Variants in SHQ1 observed in about 807,000 individuals in gnomAD.
SHQ1 encodes the protein protein SHQ1 homolog.
SHQ1 carries 49 observed loss-of-function variants against 53.8 expected under a neutral mutation model. The observed-to-expected ratio is 0.91, with a 90% CI of 0.72 to 1.16. The LOEUF (loss-of-function observed/expected upper bound fraction) is 1.16. Ranked by LOEUF, SHQ1 falls within the 50% of genes most tolerant of loss-of-function variation. SHQ1 has a pLI of 0.00. For missense variants in SHQ1, 738 were observed against 683.1 expected (o/e 1.08, Z -0.90); for synonymous variants, 243 against 251.0 (o/e 0.97, Z 0.30).
intron 5 of SHQ1, among the ~76,000 whole-genome samples, chr3:72,827,190 G>A (rs1707685797): frequency 6.6e-6 from 1 of 152,084 alleles, no homozygotes. Context: ...GAAGCTAACA[G>A]ACATGAGTGA....
At chr3:72,731,991 G>A in the SHQ1 span, among the ~76,000 whole-genome samples, 7 of 151,576 alleles carry the variant, frequency 4.6e-5, no homozygotes, top group East Asian at 1.9e-4. Flanking sequence ...TTCAGGCTTC[G>A]GAGGGCCTCT....
At chr3:72,753,275 T>C in intron 10 of SHQ1, 1 of 984,814 alleles carries the variant, frequency 1.0e-6, no homozygotes, top group South Asian at 4.7e-5. Context: ...TGACGGTGAG[T>C]TTACAAGATA....
chr3:72,751,153 G>A lies in SHQ1; in HGVS notation c.1182-317C>T, dbSNP rs574343194. Among the ~76,000 whole-genome samples the A allele has an allele frequency of 6.6e-5, 10 of 152,314 alleles. 1 individual carries two copies. Among genetic ancestry groups the A allele is most frequent in the African/African-American group, 2.4e-4 (10 of 41,568 alleles). On this transcript the variant is annotated intron_variant, in intron 10 of 10. Transcript: ENST00000325599. ...TGGCCAGGCACAGTGGCTCACGCCT[G>A]TAACCCCAGCACTTTGGGAGGCTGA...
intron 10 of SHQ1, among the ~76,000 whole-genome samples, chr3:72,770,569 T>A (rs940165932): frequency 2.0e-5 from 3 of 151,988 alleles, no homozygotes; most frequent in African/African-American, 7.3e-5. Flanking sequence ...AAACTAAGAA[T>A]GATAAGGAAA....
chr3:72,831,431 T>C (rs946036716), intron 5 of SHQ1, among the ~76,000 whole-genome samples: 4 of 152,342 alleles, frequency 2.6e-5, no homozygotes, highest in Admixed American at 6.5e-5. Flanking sequence ...AGCCACTTAG[T>C]AGTAGTGTGA....
chr3:72,817,516 A>T, intron 6 of SHQ1, 132 bp from the exon 7 acceptor site: 3 of 814,908 alleles, frequency 3.7e-6, no homozygotes, highest in Non-Finnish European at 3.8e-6. Flanking sequence ...CTATGGATAT[A>T]TAAATAACTT....
At chr3:72,766,913 G>A (rs557533092) in intron 10 of SHQ1, among the ~76,000 whole-genome samples, 48 of 152,226 alleles carry the variant, frequency 3.2e-4, no homozygotes, top group Middle Eastern at 3.4e-3. Flanking sequence ...TGTGGCTGTC[G>A]GGCATTCAGA....
chr3:72,848,382 G>T lies in SHQ1; in HGVS notation c.-42C>A. The T allele has an allele frequency of 6.2e-7, 1 of 1,607,284 alleles. No homozygotes were observed. Among genetic ancestry groups the T allele is most frequent in the Non-Finnish European group, 8.5e-7 (1 of 1,176,396 alleles). ...AGGGCCGGCGCCGCTCGCTCTCACT[G>T]CCGCCGCGTTCCCGCCACGCAAACT... is the stretch of plus-strand genomic sequence containing the variant. On this transcript the variant is annotated 5_prime_UTR_variant, in exon 1 of 11. Transcript: ENST00000325599.
chr3:72,830,080 T>C (rs1707779094), intron 5 of SHQ1, among the ~76,000 whole-genome samples: 1 of 149,774 alleles, frequency 6.7e-6, no homozygotes, highest in Non-Finnish European at 1.5e-5. Flanking sequence ...ATCTGTTACA[T>C]GCCCAGCACT....
At chr3:72,793,210 A>AT (rs1706496169) in intron 9 of SHQ1, 174 bp from the exon 10 acceptor site, 1 of 523,036 alleles carries the variant, frequency 1.9e-6, no homozygotes, top group African/African-American at 2.0e-5. Flanking sequence ...TTCCTTAAGA[A>AT]TTACATACAA....
At chr3:72,759,556 T>C (rs1705569699) in intron 10 of SHQ1, among the ~76,000 whole-genome samples, 1 of 152,002 alleles carries the variant, frequency 6.6e-6, no homozygotes, top group Non-Finnish European at 1.5e-5. Flanking sequence ...CCGGGTGTGG[T>C]AGCAGGTGCC....
rs114488978 is a variant in SHQ1 at position 72,786,339 on chromosome 3, C to T, written c.1181+6577G>A. 2.8e-3 allele frequency among the ~76,000 whole-genome samples: 429 copies of T among 152,304 alleles called. 1 individual carries two copies. The highest frequency in any genetic ancestry group is 4.9e-3 in the Non-Finnish European group (333 of 68,024). Reference sequence around the variant, plus strand: ...ACCCTCACTCACACAGGCAGTTCATCGCTTAAAACTCTTCAGATGCTCCAT... The same window carrying T: ...ACCCTCACTCACACAGGCAGTTCATTGCTTAAAACTCTTCAGATGCTCCAT... On this transcript the variant is annotated intron_variant, in intron 10 of 10. Transcript: ENST00000325599.
At chr3:72,770,785 G>A (rs1321633900) in intron 10 of SHQ1, among the ~76,000 whole-genome samples, 1 of 152,180 alleles carries the variant, frequency 6.6e-6, no homozygotes, top group African/African-American at 2.4e-5. Flanking sequence ...AAAAGAAGGA[G>A]GAAAGTGATG....
rs1705339832 is a variant in SHQ1 at position 72,750,423 on chromosome 3, A to G, written c.1595T>C (p.Leu532Pro). ...QGKPLASSWP[L>P]GVSGPLIEEL... ...CTCTATCAGAGGCCCAGACACTCCAAGAGGCCAGGAAGAGGCAAGTGGCTT... is the reference window on the plus strand; with the variant it reads ...CTCTATCAGAGGCCCAGACACTCCAGGAGGCCAGGAAGAGGCAAGTGGCTT... Residue 532 changes from leucine (L) to proline (P), a missense_variant, in exon 11 of 11, where the codon CTT becomes CCT. Transcript: ENST00000325599. 1 of 1,614,072 alleles carries G rather than the reference A, an allele frequency of 6.2e-7. No individual in the cohort carries two copies. The highest frequency in any genetic ancestry group is 8.5e-7 in the Non-Finnish European group (1 of 1,180,052).
chr3:72,741,091 G>A, the SHQ1 span, among the ~76,000 whole-genome samples: 1 of 152,154 alleles, frequency 6.6e-6, no homozygotes, highest in Admixed American at 6.6e-5. Context: ...CTGAGTATTG[G>A]TACTTTTGAA....
chr3:72,821,688 G>A (rs115521395), intron 6 of SHQ1, among the ~76,000 whole-genome samples: 409 of 152,272 alleles, frequency 2.7e-3, no homozygotes, highest in Non-Finnish European at 3.7e-3. Flanking sequence ...AACAGCCCAC[G>A]CTATGACACA....
chr3:72,806,478 G>A (rs1706950451), intron 9 of SHQ1, among the ~76,000 whole-genome samples: 1 of 152,134 alleles, frequency 6.6e-6, no homozygotes, highest in African/African-American at 2.4e-5. Context: ...TTTAGAATAG[G>A]AGGAAGAAAA....
the SHQ1 span, among the ~76,000 whole-genome samples, chr3:72,732,190 C>T: frequency 6.6e-6 from 1 of 151,562 alleles, no homozygotes; most frequent in Non-Finnish European, 1.5e-5. Flanking sequence ...CATGTCTTCA[C>T]TGGGAGGAAG....
intron 10 of SHQ1, among the ~76,000 whole-genome samples, chr3:72,783,145 A>G (rs990301025): frequency 1.6e-4 from 25 of 152,268 alleles, no homozygotes; most frequent in Middle Eastern, 3.4e-3. Flanking sequence ...AGGGACTAAA[A>G]CAAGAAAGAA....
Sources: gnomAD v4.1 joint callset for allele counts (sites outside exome capture counted in the v4.1 genomes callset) on GRCh38, gnomAD v4.1.1 for gene constraint, MANE v1.5 for transcripts, NCBI Gene and HGNC (gene_info 2026-07-23, HGNC 2026-07-21) for gene names.